SETD2: variants seen among roughly 807,000 people sequenced by gnomAD.
SETD2 encodes the protein histone-lysine N-methyltransferase SETD2.
Under a neutral mutation model 242.1 loss-of-function variants are expected in SETD2, and 31 were observed. That is an observed-to-expected ratio of 0.13 (90% CI 0.10 to 0.17). The LOEUF (loss-of-function observed/expected upper bound fraction) is 0.17, where lower values mean the gene tolerates loss of function less well. Among genes scored for constraint, SETD2 ranks in the 10% least tolerant of loss-of-function variants. The pLI is 1.00. For synonymous variants in SETD2, 1,006 were observed against 1,066.5 expected (o/e 0.94, Z 1.11); for missense variants, 2,481 against 3,046.3 (o/e 0.81, Z 4.37).
At chr3:47,072,615 GC>G (rs1184381862) in intron 12 of SETD2, among the ~76,000 whole-genome samples, 1 of 152,046 alleles carries the variant, frequency 6.6e-6, no homozygotes, top group South Asian at 2.1e-4. Flanking sequence ...TAGGCCAGGA[GC>G]CTGGGCAATA....
At chr3:47,144,466 G>A (rs1455022120) in intron 1 of SETD2, among the ~76,000 whole-genome samples, 3 of 151,856 alleles carry the variant, frequency 2.0e-5, no homozygotes, top group East Asian at 3.9e-4. Context: ...GTGAAACCCC[G>A]TCTCTGCTAA....
intron 5 of SETD2, among the ~76,000 whole-genome samples, chr3:47,107,720 C>CGGCGGGGGGCG (rs1177164556): frequency 7.7e-6 from 1 of 129,768 alleles, no homozygotes; most frequent in African/African-American, 2.8e-5. Flanking sequence ...CTTTGGGTGG[C>CGGCGGGGGGCG]GGGGGGGGGT....
At chr3:47,160,072 G>A (rs1697444350) in intron 1 of SETD2, among the ~76,000 whole-genome samples, 1 of 151,782 alleles carries the variant, frequency 6.6e-6, no homozygotes, top group Non-Finnish European at 1.5e-5. Context: ...AAAACTCACA[G>A]GTCTGCCTCA....
intron 1 of SETD2, chr3:47,145,412 A>G: frequency 3.5e-6 from 1 of 285,602 alleles, no homozygotes; most frequent in Non-Finnish European, 7.5e-6. Context: ...TTTTTAAGAG[A>G]CGGGGTCTTG....
chr3:47,143,985 C>T (rs2043794959), intron 1 of SETD2, among the ~76,000 whole-genome samples: 1 of 152,132 alleles, frequency 6.6e-6, no homozygotes, highest in African/African-American at 2.4e-5. Flanking sequence ...GCCGGGATTA[C>T]AGGCATGAGC....
At position 47,046,471 on chromosome 3, in the gene SETD2, C is replaced by A; in HGVS notation, c.7098+16G>T. On this transcript the variant is annotated intron_variant, in intron 16 of 20. Coordinates refer to ENST00000409792, the MANE Select transcript of SETD2 (RefSeq NM_014159.7). ...GTAGACAGCCAATGAGTTTTAACAA[C>A]TGAAACATTTCTTACTGGCTGCAAG... 6.3e-7 allele frequency: 1 copy of A among 1,579,936 alleles called. No homozygotes were observed. Among genetic ancestry groups the A allele is most frequent in the Non-Finnish European group, 8.6e-7 (1 of 1,161,708 alleles).
rs774448516 is a variant in SETD2 at position 47,122,966 on chromosome 3, G to A, written c.1670C>T (p.Ser557Phe). The A allele has an allele frequency of 6.2e-7, 1 of 1,613,888 alleles. No individual in the cohort carries two copies. The highest frequency in any genetic ancestry group is 8.5e-7 in the Non-Finnish European group (1 of 1,179,770). The change falls in exon 3 of 21, where the codon TCT becomes TTT. Residue 557 changes from serine to phenylalanine, a missense_variant. Physicochemically the swap from Ser to Phe is radical, Grantham distance 155. This residue lies in a region of SETD2 where 1,300 missense variants were observed against 1,259.2 expected (regional missense o/e 1.03). Transcript: ENST00000409792. ...CTTGGGTATAGGTTTTGAAAGGGTA[G>A]ATTTATAACGGGAAGCACTACTGTC... ...KHDSSASRYK[S>F]TLSKPIPKSD...
Position 47,062,302 on chromosome 3 carries a change from G to A in SETD2, c.6154C>T (p.Pro2052Ser), listed in dbSNP as rs766552660. The A allele has an allele frequency of 1.9e-6, 3 of 1,612,262 alleles. No individual in the cohort carries two copies. Among genetic ancestry groups the A allele is most frequent in the South Asian group, 2.2e-5 (2 of 90,660 alleles). The change falls in exon 14 of 21, where the codon CCT becomes TCT. Residue 2052 changes from proline to serine, a missense_variant. Around this residue, in one of 17 missense-constraint regions of SETD2, gnomAD observed 80 missense variants for 102.6 expected, o/e 0.78. Transcript: ENST00000409792. ...GACCTATTAGGAGTCTTCGGGGCAG[G>A]TGTTTGATCTCTGAAGCCAACAGCA... ...RDAVGFRDQT[P>S]APKTPNRSRE...
intron 1 of SETD2, among the ~76,000 whole-genome samples, chr3:47,149,171 C>G (rs554316503): frequency 3.3e-5 from 5 of 152,242 alleles, no homozygotes; most frequent in African/African-American, 1.2e-4. Flanking sequence ...TGAATGGCAG[C>G]TATTCTAAAT....
At chr3:47,159,001 A>C (rs1167597121) in intron 1 of SETD2, among the ~76,000 whole-genome samples, 1 of 152,154 alleles carries the variant, frequency 6.6e-6, no homozygotes, top group African/African-American at 2.4e-5. Flanking sequence ...AATCAAGCCA[A>C]GTGTGGTGGT....
intron 5 of SETD2, among the ~76,000 whole-genome samples, chr3:47,110,283 T>C (rs952024916): frequency 6.6e-6 from 1 of 152,212 alleles, no homozygotes; most frequent in Non-Finnish European, 1.5e-5. Context: ...TATGAGAAGA[T>C]TCTGCTTAAC....
In SETD2 at chr3:47,121,773, A is replaced by G. The variant is rs2106660339; in HGVS notation, c.2863T>C (p.Ser955Pro). 2.5e-6 allele frequency: 4 copies of G among 1,614,172 alleles called. No homozygotes were observed. Among genetic ancestry groups the G allele is most frequent in the Non-Finnish European group, 3.4e-6 (4 of 1,180,018 alleles). ...SRENRRNNGL[S>P]GKCLQEAQEE... ...TGAGCCTCTTGCAAACATTTCCCAGATAACCCATTATTACGCCTGTTCTCC... is the reference window on the plus strand; with the variant it reads ...TGAGCCTCTTGCAAACATTTCCCAGGTAACCCATTATTACGCCTGTTCTCC... Residue 955 changes from serine (S) to proline (P), a missense_variant, in exon 3 of 21, where the codon TCT becomes CCT. Ser to Pro is a moderately conservative substitution (Grantham distance 74, BLOSUM62 -1). Around this residue, in one of 17 missense-constraint regions of SETD2, gnomAD observed 1,300 missense variants for 1,259.2 expected, o/e 1.03. Transcript: ENST00000409792.
At chr3:47,109,985 CAA>C (rs1167745997) in intron 5 of SETD2, among the ~76,000 whole-genome samples, 10 of 60,480 alleles carry the variant, frequency 1.7e-4, no homozygotes, top group South Asian at 5.2e-4. Flanking sequence ...GACTCCATCT[CAA>C]AAAAAAAAAA....
chr3:47,162,945 C>T (rs923951931), intron 1 of SETD2, among the ~76,000 whole-genome samples: 5 of 152,192 alleles, frequency 3.3e-5, no homozygotes, highest in African/African-American at 1.2e-4. Flanking sequence ...TTGGGCAAAA[C>T]TGTGTGTCGG....
chr3:47,147,160 G>A (rs1193581576), intron 1 of SETD2, among the ~76,000 whole-genome samples: 1 of 151,238 alleles, frequency 6.6e-6, no homozygotes, highest in African/African-American at 2.4e-5. Flanking sequence ...ACAGGAACTC[G>A]CCACCACACC....
chr3:47,128,026 G>A (rs985839719), intron 1 of SETD2, among the ~76,000 whole-genome samples: 3 of 151,640 alleles, frequency 2.0e-5, no homozygotes, highest in Admixed American at 6.6e-5. Context: ...AAATAACATA[G>A]AATAATATGT....
At chr3:47,106,616 A>T (rs1387644370) in intron 5 of SETD2, among the ~76,000 whole-genome samples, 2 of 150,744 alleles carry the variant, frequency 1.3e-5, no homozygotes, top group Admixed American at 6.6e-5. Context: ...GTTCGAGACC[A>T]GCCTGACCAA....
chr3:47,121,896 T>C lies in SETD2; in HGVS notation c.2740A>G (p.Ser914Gly), dbSNP rs768459098. Residue 914 changes from serine to glycine, a missense_variant, in exon 3 of 21, where the codon AGT becomes GGT. This residue lies in a region of SETD2 where 1,300 missense variants were observed against 1,259.2 expected (regional missense o/e 1.03). Transcript: ENST00000409792. ...TSPVLDAVLK[S>G]KKSSEFLKHA... ...TTTAAAAACTCTGAACTTTTTTTAC[T>C]CTTTAGCACTGCATCCAGAACTGGA... The C allele has an allele frequency of 6.2e-7, 1 of 1,614,028 alleles. No individual in the cohort carries two copies. Among genetic ancestry groups the C allele is most frequent in the South Asian group, 1.1e-5 (1 of 91,088 alleles).
At chr3:47,029,887 G>A (rs1171047049) in intron 18 of SETD2, among the ~76,000 whole-genome samples, 2 of 152,104 alleles carry the variant, frequency 1.3e-5, no homozygotes, top group East Asian at 1.9e-4. Flanking sequence ...TGGGCACGAC[G>A]ACTCACACCT....
Sources: gnomAD v4.1 joint callset for allele counts (sites outside exome capture counted in the v4.1 genomes callset) on GRCh38, gnomAD v4.1.1 for gene constraint, gnomAD v4.1.1 regional missense constraint, MANE v1.5 for transcripts, NCBI Gene and HGNC (gene_info 2026-07-23, HGNC 2026-07-21) for gene names.